The following GYPC variants were observed in gnomAD, a reference collection of about 807,000 sequenced individuals.
GYPC encodes glycophorin-C.
Under a neutral mutation model 12.6 loss-of-function variants are expected in GYPC, and 14 were observed. The observed-to-expected ratio is 1.11, with a 90% CI of 0.74 to 1.74. The LOEUF is 1.74. GYPC is among the 40% of genes most tolerant of loss of function. The pLI is 0.00. For missense variants in GYPC, 225 were observed against 172.1 expected, an observed-to-expected ratio of 1.31 and a Z score of -1.72; for synonymous variants, 78 against 62.1, an observed-to-expected ratio of 1.26 and a Z score of -1.20.
intron 1 of GYPC, among the ~76,000 whole-genome samples, chr2:126,666,619 A>G (rs1375255676): frequency 6.6e-6 from 1 of 151,324 alleles, no homozygotes; most frequent in Non-Finnish European, 1.5e-5. Context: ...CATCATTCTT[A>G]AGTGGGAGGG....
At chr2:126,670,699 G>A (rs180921032) in intron 1 of GYPC, among the ~76,000 whole-genome samples, 169 of 152,210 alleles carry the variant, frequency 1.1e-3, no homozygotes, top group African/African-American at 3.7e-3. Flanking sequence ...GACCTAGCAC[G>A]GGGCACACAC....
At chr2:126,695,159 C>G (rs79156482) in intron 3 of GYPC, among the ~76,000 whole-genome samples, 1 of 152,172 alleles carries the variant, frequency 6.6e-6, no homozygotes, top group African/African-American at 2.4e-5. Flanking sequence ...CACAACCTTC[C>G]CCAAGCACAG....
chr2:126,664,445 T>C (rs1164770208), intron 1 of GYPC, among the ~76,000 whole-genome samples: 2 of 152,156 alleles, frequency 1.3e-5, no homozygotes, highest in Admixed American at 1.3e-4. Context: ...CCTCCTTCTC[T>C]TCCCCCTCTA....
At chr2:126,659,668 GC>G (rs1187607374) in intron 1 of GYPC, among the ~76,000 whole-genome samples, 4 of 152,098 alleles carry the variant, frequency 2.6e-5, no homozygotes, top group African/African-American at 9.7e-5. Context: ...GTTGTTTTTC[GC>G]TTTTGATAAA....
intron 3 of GYPC, among the ~76,000 whole-genome samples, 168 bp from the exon 4 acceptor site, chr2:126,695,778 A>T (rs2104812825): frequency 6.6e-6 from 1 of 152,340 alleles, no homozygotes; most frequent in Middle Eastern, 3.4e-3. Flanking sequence ...CAGTATTTTT[A>T]ACTTATTATG....
intron 1 of GYPC, 83 bp downstream of exon 1, chr2:126,656,395 G>A (rs546341677): frequency 1.6e-6 from 2 of 1,229,972 alleles, no homozygotes; most frequent in South Asian, 1.3e-5. Context: ...CCACGGCCAC[G>A]GACGCCCTGG....
At chr2:126,690,097 C>T (rs1683411397) in intron 1 of GYPC, among the ~76,000 whole-genome samples, 158 bp from the exon 2 acceptor site, 1 of 152,202 alleles carries the variant, frequency 6.6e-6, no homozygotes, top group Admixed American at 6.5e-5. Context: ...TCTGTGCACC[C>T]CTGCTAGGAG....
intron 1 of GYPC, among the ~76,000 whole-genome samples, chr2:126,663,935 C>A (rs1027938455): frequency 6.7e-6 from 1 of 150,152 alleles, no homozygotes; most frequent in Non-Finnish European, 1.5e-5. Context: ...GGAGCTGGGT[C>A]TCTCTAAGGT....
chr2:126,693,511 T>G (rs1683537247), intron 2 of GYPC, among the ~76,000 whole-genome samples: 1 of 152,162 alleles, frequency 6.6e-6, no homozygotes, highest in Non-Finnish European at 1.5e-5. Flanking sequence ...CAAACATTCT[T>G]TCTTAAACAC....
rs948291339 is a variant in GYPC, at chr2:126,693,893, G to A, written c.136G>A (p.Asp46Asn). 1 of 1,612,636 alleles carries A rather than the reference G, an allele frequency of 6.2e-7. No homozygotes were observed. The highest frequency in any genetic ancestry group is 2.2e-5 in the East Asian group (1 of 44,862). Reference sequence around the variant, plus strand: ...TGATCCAGGGATGTCTGGATGGCCGGATGGCAGAATGGAGACCTCCACCCC... The same window carrying A: ...TGATCCAGGGATGTCTGGATGGCCGAATGGCAGAATGGAGACCTCCACCCC... Reference protein sequence around the residue: ...EPDPGMSGWPDGRMETSTPTI... With the variant: ...EPDPGMSGWPNGRMETSTPTI... The change falls in exon 3 of 4, where the codon GAT (aspartate) becomes AAT (asparagine). Residue 46 changes from aspartate to asparagine, a missense_variant. Coordinates refer to ENST00000259254, the MANE Select transcript of GYPC (RefSeq NM_002101.5).
At chr2:126,669,880 G>A (rs1282934500) in intron 1 of GYPC, among the ~76,000 whole-genome samples, 2 of 152,110 alleles carry the variant, frequency 1.3e-5, no homozygotes, top group Non-Finnish European at 2.9e-5. Context: ...TTTCCAGGGT[G>A]GTGCTTTTGG....
chr2:126,683,650 T>C (rs777039520), intron 1 of GYPC, among the ~76,000 whole-genome samples: 2 of 152,154 alleles, frequency 1.3e-5, no homozygotes, highest in Non-Finnish European at 2.9e-5. Flanking sequence ...TTTCTAAGGC[T>C]CAGGGCGAGT....
intron 1 of GYPC, among the ~76,000 whole-genome samples, chr2:126,683,889 T>C (rs995150707): frequency 2.6e-5 from 4 of 152,148 alleles, no homozygotes; most frequent in African/African-American, 9.7e-5. Flanking sequence ...TTTACTGACA[T>C]AGGAATGACT....
At chr2:126,692,231 C>A in intron 2 of GYPC, among the ~76,000 whole-genome samples, 1 of 152,202 alleles carries the variant, frequency 6.6e-6, no homozygotes, top group East Asian at 1.9e-4. Flanking sequence ...AGCCAGTGTT[C>A]ACTGGGTCCC....
At chr2:126,685,549 T>A (rs1158609946) in intron 1 of GYPC, among the ~76,000 whole-genome samples, 1 of 152,144 alleles carries the variant, frequency 6.6e-6, no homozygotes, top group Non-Finnish European at 1.5e-5. Context: ...CATGCCCAAC[T>A]AATTTTTGTA....
At chr2:126,675,577 G>A (rs570136498) in intron 1 of GYPC, 2 of 351,964 alleles carry the variant, frequency 5.7e-6, no homozygotes, top group East Asian at 1.7e-4. Context: ...GCTTCAAAGT[G>A]CTATTCTAAA....
chr2:126,682,370 A>G (rs1683172348), intron 1 of GYPC, among the ~76,000 whole-genome samples: 1 of 152,168 alleles, frequency 6.6e-6, no homozygotes, highest in Non-Finnish European at 1.5e-5. Context: ...GGGTGTGTGC[A>G]TGGACCAGAC....
intron 1 of GYPC, among the ~76,000 whole-genome samples, chr2:126,662,572 G>T (rs887660617): frequency 2.0e-5 from 3 of 152,164 alleles, no homozygotes; most frequent in Admixed American, 2.0e-4. Flanking sequence ...ACAGGGATGG[G>T]ACCTGCCCAG....
intron 1 of GYPC, among the ~76,000 whole-genome samples, chr2:126,685,477 C>T (rs1303536866): frequency 6.6e-6 from 1 of 152,106 alleles, no homozygotes; most frequent in Admixed American, 6.5e-5. Context: ...CTCCACCTCC[C>T]AGGTTCAAGT....
Sources: allele counts gnomAD v4.1 joint callset (sites outside exome capture counted in the v4.1 genomes callset), GRCh38; gene constraint gnomAD v4.1.1; transcripts MANE v1.5; gene names NCBI Gene and HGNC (gene_info 2026-07-23, HGNC 2026-07-21).